ZFHX3: variants seen among roughly 807,000 people sequenced by gnomAD.
The protein encoded by ZFHX3 is zinc finger homeobox 3, also known as zinc finger homeobox protein 3.
In ZFHX3, 42 loss-of-function variants were observed where a neutral mutation model predicts 279.1. That is an observed-to-expected ratio of 0.15 (90% CI 0.12 to 0.19). The LOEUF (loss-of-function observed/expected upper bound fraction) is 0.19, where lower values mean the gene tolerates loss of function less well. ZFHX3 is among the 10% of genes least tolerant of loss of function. The probability of loss-of-function intolerance (pLI) is 1.00; values close to 1 mark genes in which losing one functional copy is unlikely to be tolerated. For missense variants in ZFHX3, 4,981 were observed against 4,754.0 expected (o/e 1.05, Z -1.40); for synonymous variants, 2,293 against 1,957.8 (o/e 1.17, Z -4.52).
chr16:73,093,288 G>A (rs1404181606), exon 8 of ZFHX3: 26 of 464,516 alleles, frequency 5.6e-5, no homozygotes, highest in South Asian at 3.7e-4. Context: ...TTTGCACATC[G>A]TGTTTGGGTT....
At chr16:73,666,029 T>C (rs1421233460) in intron 2 of ZFHX3, among the ~76,000 whole-genome samples, 3 of 151,486 alleles carry the variant, frequency 2.0e-5, no homozygotes, top group Admixed American at 6.6e-5. Flanking sequence ...TGTTAGCCAG[T>C]ATGGTCTCGA....
Position 72,901,451 on chromosome 16 carries a change from C to G in ZFHX3, c.3217-11489G>C, listed in dbSNP as rs577739335. On this transcript the variant is annotated intron_variant, in intron 3 of 9. Transcript: ENST00000268489. ...AGAAGACAGGGCAGCCGGCGCAACACAAGCAGGAGGTAAGCAGCACCCACA... is the reference window on the plus strand; with the variant it reads ...AGAAGACAGGGCAGCCGGCGCAACAGAAGCAGGAGGTAAGCAGCACCCACA... Among the ~76,000 whole-genome samples, 4 of 152,286 alleles carry G rather than the reference C, an allele frequency of 2.6e-5. No individual in the cohort carries two copies. The South Asian group carries it at 8.3e-4, about 32-fold the overall frequency.
chr16:73,234,096 G>A (rs2012867478), intron 5 of ZFHX3: 2 of 152,428 alleles, frequency 1.3e-5, no homozygotes, highest in Admixed American at 6.5e-5. Context: ...TATGAGTGTG[G>A]CTCCGTGTCT....
At chr16:73,419,886 CAT>C (rs202002681) in intron 3 of ZFHX3, among the ~76,000 whole-genome samples, 6 of 150,468 alleles carry the variant, frequency 4.0e-5, no homozygotes, top group South Asian at 2.1e-4. Context: ...TGAGAATTAA[CAT>C]ATATATATAT....
At chr16:73,779,146 G>A (rs1399476963) in intron 1 of ZFHX3, among the ~76,000 whole-genome samples, 2 of 152,140 alleles carry the variant, frequency 1.3e-5, no homozygotes, top group Non-Finnish European at 2.9e-5. Context: ...CCAGCATATG[G>A]CTATAGCATT....
chr16:72,990,936 C>T lies in ZFHX3; in HGVS notation c.-49-30742G>A, dbSNP rs551923909. Reference sequence around the variant, plus strand: ...CGGAGGTTGCAGTGAACCAAGATCGCGTCACTGCACTCCAGCCTGGGTGAC... The same window carrying T: ...CGGAGGTTGCAGTGAACCAAGATCGTGTCACTGCACTCCAGCCTGGGTGAC... On this transcript the variant is annotated intron_variant, in intron 1 of 9. Transcript: ENST00000268489. Among the ~76,000 whole-genome samples the T allele has an allele frequency of 4.0e-5, 6 of 151,674 alleles. No homozygotes were observed. The South Asian group carries it at 8.3e-4, about 21-fold the overall frequency.
At chr16:73,659,757 T>C (rs1159088811) in intron 2 of ZFHX3, among the ~76,000 whole-genome samples, 1 of 152,204 alleles carries the variant, frequency 6.6e-6, no homozygotes, top group Non-Finnish European at 1.5e-5. Context: ...TGTATACTCA[T>C]CTGGGCGTAT....
At chr16:73,857,199 C>T (rs978290571) in intron 1 of ZFHX3, among the ~76,000 whole-genome samples, 3 of 152,192 alleles carry the variant, frequency 2.0e-5, no homozygotes, top group African/African-American at 4.8e-5. Context: ...ACCAATTCAG[C>T]TTAGAGTTTA....
chr16:72,796,458 GTAGGTGAGGTGA>G lies in ZFHX3; in HGVS notation c.6212_6223del (p.Ile2071_Pro2074del). Reference sequence around the variant, plus strand: ...CACTGATGGCTGGGCCGGTGCAATTGTAGGTGAGGTGATGGGTGGGGCTGATGCGGGGATGGC... The same window carrying G: ...CACTGATGGCTGGGCCGGTGCAATTGTGGGTGGGGCTGATGCGGGGATGGC... On this transcript the variant is annotated inframe_deletion, in exon 9 of 10. Coordinates refer to ENST00000268489, the MANE Select transcript of ZFHX3 (RefSeq NM_006885.4). 1 of 1,606,934 alleles carries G rather than the reference GTAGGTGAGGTGA, an allele frequency of 6.2e-7. No homozygotes were observed.
At chr16:72,847,738 A>G (rs1006248032) in intron 4 of ZFHX3, among the ~76,000 whole-genome samples, 1 of 152,024 alleles carries the variant, frequency 6.6e-6, no homozygotes, top group Admixed American at 6.5e-5. Flanking sequence ...GAGCAAAAAC[A>G]AGCAGACGCA....
chr16:73,423,058 A>C (rs2017746754), intron 3 of ZFHX3, among the ~76,000 whole-genome samples: 1 of 152,244 alleles, frequency 6.6e-6, no homozygotes, highest in South Asian at 2.1e-4. Context: ...ATCCCAGTCA[A>C]ATTGGATCAG....
intron 2 of ZFHX3, among the ~76,000 whole-genome samples, chr16:73,466,202 C>T (rs2018568038): frequency 6.6e-6 from 1 of 152,122 alleles, no homozygotes; most frequent in Non-Finnish European, 1.5e-5. Flanking sequence ...TGCACCTAGG[C>T]CAGGCACGGT....
intron 7 of ZFHX3, chr16:73,127,749 T>A: frequency 1.7e-6 from 1 of 595,718 alleles, no homozygotes; most frequent in Non-Finnish European, 2.5e-6. Context: ...AGTTGGACAA[T>A]GCCTGGTCCT....
intron 3 of ZFHX3, among the ~76,000 whole-genome samples, chr16:73,444,163 C>A (rs559489688): frequency 6.6e-6 from 1 of 152,310 alleles, no homozygotes; most frequent in East Asian, 1.9e-4. Context: ...ACAAAATACT[C>A]CTACATTTTA....
intron 5 of ZFHX3, among the ~76,000 whole-genome samples, chr16:73,254,247 C>A (rs2013598566): frequency 6.6e-6 from 1 of 152,182 alleles, no homozygotes; most frequent in African/African-American, 2.4e-5. Flanking sequence ...CCGGATCCAT[C>A]CTTCCCACTA....
At chr16:73,248,982 C>A (rs1206560464) in intron 5 of ZFHX3, among the ~76,000 whole-genome samples, 1 of 152,150 alleles carries the variant, frequency 6.6e-6, no homozygotes, top group East Asian at 1.9e-4. Flanking sequence ...GAATTAGATA[C>A]GTTTTCATTC....
chr16:73,491,746 C>A (rs949053737), intron 2 of ZFHX3, among the ~76,000 whole-genome samples: 1 of 152,054 alleles, frequency 6.6e-6, no homozygotes, highest in African/African-American at 2.4e-5. Context: ...TGTATAGAGA[C>A]ATTTTTGATT....
At chr16:72,926,693 C>G (rs1289474916) in intron 3 of ZFHX3, among the ~76,000 whole-genome samples, 1 of 152,180 alleles carries the variant, frequency 6.6e-6, no homozygotes, top group Non-Finnish European at 1.5e-5. Context: ...GTAAATCAGC[C>G]AAATTCCAAC....
intron 1 of ZFHX3, among the ~76,000 whole-genome samples, chr16:73,689,795 G>A (rs965670925): frequency 7.9e-5 from 12 of 152,002 alleles, no homozygotes; most frequent in Non-Finnish European, 1.8e-4. Flanking sequence ...CAGCTCTGAG[G>A]ACATACAGTT....
Sources: gnomAD v4.1 joint callset for allele counts (sites outside exome capture counted in the v4.1 genomes callset) on GRCh38, gnomAD v4.1.1 for gene constraint, MANE v1.5 for transcripts, NCBI Gene and HGNC (gene_info 2026-07-23, HGNC 2026-07-21) for gene names.